MTMR9: variants seen among roughly 807,000 people sequenced by gnomAD.
MTMR9 encodes myotubularin related protein 9.
Under a neutral mutation model 69.5 loss-of-function variants are expected in MTMR9, and 39 were observed. That is an observed-to-expected ratio of 0.56 (90% CI 0.43 to 0.73). The LOEUF (loss-of-function observed/expected upper bound fraction) is 0.73, where lower values mean the gene tolerates loss of function less well. MTMR9 is among the 30% of genes least tolerant of loss of function. The pLI, the probability that MTMR9 is intolerant of heterozygous loss-of-function variation, is 0.00. For synonymous variants in MTMR9, 354 were observed against 240.8 expected (o/e 1.47, Z -4.35); for missense variants, 900 against 671.2 (o/e 1.34, Z -3.77).
At chr8:11,289,306 C>A (rs1020359336) in intron 1 of MTMR9, among the ~76,000 whole-genome samples, 2 of 152,244 alleles carry the variant, frequency 1.3e-5, no homozygotes, top group African/African-American at 4.8e-5. Flanking sequence ...TTAAGGGTAA[C>A]TCCTTCAGTT....
At chr8:11,322,503 G>C in intron 9 of MTMR9, 122 bp from the exon 10 acceptor site, 1 of 735,218 alleles carries the variant, frequency 1.4e-6, no homozygotes, top group Non-Finnish European at 2.2e-6. Context: ...ATACAGATGT[G>C]AGTTGTGGCA....
intron 1 of MTMR9, 34 bp downstream of exon 1, chr8:11,285,104 G>C: frequency 6.6e-7 from 1 of 1,509,396 alleles, no homozygotes; most frequent in South Asian, 1.2e-5. Flanking sequence ...TCCGCAGGGA[G>C]CCGGGGGTCC....
chr8:11,330,708 C>T (rs1030621183), downstream of MTMR9, among the ~76,000 whole-genome samples: 330 of 152,146 alleles, frequency 2.2e-3, 2 homozygotes, highest in Middle Eastern at 6.8e-3. Flanking sequence ...TAAACAGATA[C>T]TTGAAGACAG....
At chr8:11,316,000 A>G (rs925389809) in intron 7 of MTMR9, 20 of 152,240 alleles carry the variant, frequency 1.3e-4, no homozygotes, top group African/African-American at 4.1e-4. Flanking sequence ...TATGATTTGT[A>G]TTAAGGTCAG....
At chr8:11,297,120 G>C (rs187929395) in intron 2 of MTMR9, among the ~76,000 whole-genome samples, 1 of 152,068 alleles carries the variant, frequency 6.6e-6, no homozygotes. Flanking sequence ...TTCTTTCCGT[G>C]TATGTGTAAC....
intron 5 of MTMR9, among the ~76,000 whole-genome samples, chr8:11,308,245 C>G (rs913086453): frequency 6.6e-6 from 1 of 152,166 alleles, no homozygotes; most frequent in African/African-American, 2.4e-5. Flanking sequence ...GGTTGAGTTT[C>G]TTCTGCATGT....
chr8:11,286,805 T>C (rs10091637), intron 1 of MTMR9, among the ~76,000 whole-genome samples: 99,554 of 151,870 alleles, frequency 0.66, 33,933 homozygotes, highest in East Asian at 0.89. Flanking sequence ...TTAACGAGCC[T>C]TTCTTGCACT....
chr8:11,319,687 A>G lies in MTMR9; in HGVS notation c.1335A>G (p.Arg445=), dbSNP rs1475681937. 1 of 1,613,404 alleles carries G rather than the reference A, an allele frequency of 6.2e-7. No individual in the cohort carries two copies. Among genetic ancestry groups the G allele is most frequent in the Non-Finnish European group, 8.5e-7 (1 of 1,180,004 alleles). ...AATGGCAGTGTTCTTTCTTGATCAG[A>G]TGTAAGTTGAAGCTACAGCAGAAGA... ...GTFLGNNESE[R]CKLKLQQKTM... The change falls in exon 9 of 10, where the codon AGA becomes AGG. Residue 445 remains arginine (R), a splice_region_variant and synonymous_variant. Transcript: ENST00000221086.
intron 6 of MTMR9, 54 bp downstream of exon 6, chr8:11,309,742 T>C: frequency 6.3e-7 from 1 of 1,584,580 alleles, no homozygotes; most frequent in South Asian, 1.1e-5. Context: ...AACTAGACTT[T>C]GTGTTTATCC....
rs1216965447 is a variant in MTMR9 at position 11,300,075 on chromosome 8, C to A, written c.344C>A (p.Pro115His). 1 of 1,613,566 alleles carries A rather than the reference C, an allele frequency of 6.2e-7. No individual in the cohort carries two copies. Among genetic ancestry groups the A allele is most frequent in the Admixed American group, 1.7e-5 (1 of 60,004 alleles). Residue 115 changes from proline to histidine, a missense_variant, in exon 3 of 10, where the codon CCT becomes CAT. Physicochemically the swap from Pro to His is moderately conservative, Grantham distance 77. Coordinates refer to ENST00000221086, the MANE Select transcript of MTMR9 (RefSeq NM_015458.4). ...ITLMYPFFYR[P>H]MFEVIEDGWH... The stretch of plus-strand genomic sequence containing the variant: ...CTGATGTACCCTTTCTTTTACCGTC[C>A]TATGTTTGAAGTGATAGAAGATGGC...
intron 9 of MTMR9, chr8:11,321,348 A>T (rs973280849): frequency 1.3e-5 from 6 of 454,032 alleles, no homozygotes; most frequent in African/African-American, 1.2e-4. Flanking sequence ...GAGAGGTTAC[A>T]GTATTCTTCC....
At chr8:11,298,694 T>C in intron 2 of MTMR9, 1 of 888,844 alleles carries the variant, frequency 1.1e-6, no homozygotes, top group Non-Finnish European at 1.3e-6. Context: ...ATTATGCTAA[T>C]TGATATGGTA....
intron 1 of MTMR9, among the ~76,000 whole-genome samples, chr8:11,290,955 T>C (rs546880092): frequency 6.6e-6 from 1 of 152,074 alleles, no homozygotes; most frequent in South Asian, 2.1e-4. Flanking sequence ...ATGGGATTTT[T>C]AAAAGTCTTT....
chr8:11,314,526 C>G lies in MTMR9; in HGVS notation c.972-397C>G, dbSNP rs532383382. ...TCAGAAAAATAATTTTAGTGTATGT[C>G]TATAGTTTTGATGAGAAGAGGCTTT... is the stretch of plus-strand genomic sequence containing the variant. On this transcript the variant is annotated intron_variant, in intron 6 of 9. Coordinates refer to ENST00000221086, the MANE Select transcript of MTMR9 (RefSeq NM_015458.4). 1.5e-4 allele frequency among the ~76,000 whole-genome samples: 23 copies of G among 152,196 alleles called. No homozygotes were observed. The South Asian group carries it at 4.8e-3, about 32-fold the overall frequency.
At chr8:11,305,353 A>G (rs1799900424) in intron 4 of MTMR9, among the ~76,000 whole-genome samples, 1 of 152,208 alleles carries the variant, frequency 6.6e-6, no homozygotes, top group Non-Finnish European at 1.5e-5. Context: ...GAATAATGGT[A>G]AAATACTTGA....
downstream of MTMR9, chr8:11,332,110 A>C (rs1358607608): frequency 1.2e-5 from 20 of 1,611,874 alleles, no homozygotes; most frequent in Non-Finnish European, 1.7e-5. Context: ...AGGACAGGGA[A>C]GGTGGAGGAG....
downstream of MTMR9, chr8:11,331,574 C>G (rs1201407461): frequency 6.2e-7 from 1 of 1,613,038 alleles, no homozygotes; most frequent in Non-Finnish European, 8.5e-7. Flanking sequence ...GTCTCGGTGG[C>G]TACGAGTGGT....
At chr8:11,295,600 A>G (rs746461957) in intron 2 of MTMR9, among the ~76,000 whole-genome samples, 29 of 152,206 alleles carry the variant, frequency 1.9e-4, no homozygotes, top group Non-Finnish European at 3.2e-4. Context: ...AATAACAGAT[A>G]CTGTTTCACT....
the MTMR9 span, among the ~76,000 whole-genome samples, chr8:11,335,008 A>G: frequency 1.5e-4 from 23 of 152,372 alleles, no homozygotes; most frequent in East Asian, 3.7e-3. Flanking sequence ...TTGCCTGCTG[A>G]TATCAGGAAC....
Sources: allele counts gnomAD v4.1 joint callset (sites outside exome capture counted in the v4.1 genomes callset), GRCh38; gene constraint gnomAD v4.1.1; transcripts MANE v1.5; gene names NCBI Gene and HGNC (gene_info 2026-07-23, HGNC 2026-07-21).